Variants in STK3 observed in about 807,000 individuals in gnomAD.
STK3 encodes the protein serine/threonine kinase 3, also known as serine/threonine-protein kinase 3.
Under a neutral mutation model 58.0 loss-of-function variants are expected in STK3, and 41 were observed. The observed-to-expected ratio is 0.71, with a 90% confidence interval of 0.55 to 0.92. The LOEUF (loss-of-function observed/expected upper bound fraction) is 0.92. Among genes scored for constraint, STK3 ranks in the 40% least tolerant of loss-of-function variants. STK3 has a pLI of 0.00. For synonymous variants in STK3, 170 were observed against 191.0 expected, an observed-to-expected ratio of 0.89 and a Z score of 0.91; for missense variants, 479 against 602.7, an observed-to-expected ratio of 0.79 and a Z score of 2.15.
chr8:98,377,751 C>CCAGCCTCTTGGTGG (rs1390755564), intron 2 of STK3, among the ~76,000 whole-genome samples: 1 of 152,114 alleles, frequency 6.6e-6, no homozygotes, highest in Non-Finnish European at 1.5e-5. Context: ...TGGGGCAGTT[C>CCAGCCTCTTGGTGG]CAGCCTCTTG....
intron 10 of STK3, among the ~76,000 whole-genome samples, chr8:98,485,182 A>C (rs1296945722): frequency 6.6e-6 from 1 of 152,128 alleles, no homozygotes; most frequent in African/African-American, 2.4e-5. Flanking sequence ...CAGAGGTTGC[A>C]GTGAGCCGAG....
intron 8 of STK3, 32 bp from the exon 9 acceptor site, chr8:98,548,193 T>C: frequency 7.0e-7 from 1 of 1,423,092 alleles, no homozygotes; most frequent in Non-Finnish European, 9.2e-7. Flanking sequence ...GAGGGAAGAC[T>C]TTTCTATGAC....
chr8:98,650,705 AG>A (rs1820830351), intron 6 of STK3, among the ~76,000 whole-genome samples: 1 of 152,214 alleles, frequency 6.6e-6, no homozygotes, highest in Non-Finnish European at 1.5e-5. Flanking sequence ...CATGGCTCGG[AG>A]GGTCCTACGC....
rs560779265 is a variant in STK3, at chr8:98,515,688, C to G, written c.1317+11054G>C. The stretch of plus-strand genomic sequence containing the variant: ...TGGGTTCAAATTTTTGCTCTACCAC[C>G]TACAAGCTATGAGATTTTGACCACT... On this transcript the variant is annotated intron_variant, in intron 10 of 10. Transcript: ENST00000419617. Among the ~76,000 whole-genome samples, 208 of 152,040 alleles carry G rather than the reference C, an allele frequency of 1.4e-3. 3 individuals are homozygous for G. Among genetic ancestry groups the G allele is most frequent in the Admixed American group, 0.013 (200 of 15,274 alleles).
At chr8:98,908,981 C>A (rs1839028735) in intron 1 of STK3, among the ~76,000 whole-genome samples, 2 of 151,870 alleles carry the variant, frequency 1.3e-5, no homozygotes, top group South Asian at 4.2e-4. Flanking sequence ...GATGGTGAAA[C>A]CCTGTCTCTA....
At chr8:98,706,129 C>T (rs998343809) in intron 6 of STK3, among the ~76,000 whole-genome samples, 4 of 151,402 alleles carry the variant, frequency 2.6e-5, no homozygotes, top group African/African-American at 9.7e-5. Context: ...ACTTCCAACT[C>T]TTTCACTACC....
chr8:98,581,096 C>T (rs1312339332), intron 7 of STK3, among the ~76,000 whole-genome samples: 3 of 152,202 alleles, frequency 2.0e-5, no homozygotes, highest in Non-Finnish European at 4.4e-5. Flanking sequence ...CTGGATCCTA[C>T]GTTTCTCAAC....
intron 10 of STK3, among the ~76,000 whole-genome samples, chr8:98,497,424 TA>T (rs888864021): frequency 5.4e-5 from 8 of 148,954 alleles, no homozygotes; most frequent in Non-Finnish European, 8.9e-5. Flanking sequence ...AAAGCACTAG[TA>T]AAAAAAAAGA....
At chr8:98,412,864 T>C in intron 3 of STK3, 1 of 239,300 alleles carries the variant, frequency 4.2e-6, no homozygotes, top group Non-Finnish European at 8.0e-6. Context: ...GCATATGTAA[T>C]TCTTACCAAA....
intron 4 of STK3, chr8:98,722,761 AC>A: frequency 4.3e-6 from 1 of 232,600 alleles, no homozygotes. Context: ...TATCTGTAAG[AC>A]TTTTCATGAG....
chr8:98,597,872 G>A (rs970379047), intron 6 of STK3: 1 of 983,300 alleles, frequency 1.0e-6, no homozygotes, highest in Non-Finnish European at 1.2e-6. Flanking sequence ...CTGAGTGCCA[G>A]ACAATGAAAT....
At chr8:98,850,523 G>C (rs1268286621) in intron 3 of STK3, among the ~76,000 whole-genome samples, 1 of 152,198 alleles carries the variant, frequency 6.6e-6, no homozygotes, top group Non-Finnish European at 1.5e-5. Context: ...ACCCAGCTTG[G>C]GGGTAGTCAG....
At chr8:98,467,692 A>G (rs1820589871) in intron 10 of STK3, among the ~76,000 whole-genome samples, 1 of 152,218 alleles carries the variant, frequency 6.6e-6, no homozygotes, top group African/African-American at 2.4e-5. Flanking sequence ...ATGCTCCACT[A>G]CATGTTTATT....
chr8:98,531,178 T>C (rs74752863), intron 9 of STK3, among the ~76,000 whole-genome samples: 1 of 152,226 alleles, frequency 6.6e-6, no homozygotes, highest in Admixed American at 6.5e-5. Context: ...TCAACTTACT[T>C]GATCCAGATC....
chr8:98,811,105 C>G (rs933513137), intron 1 of STK3, among the ~76,000 whole-genome samples: 1 of 152,142 alleles, frequency 6.6e-6, no homozygotes, highest in Non-Finnish European at 1.5e-5. Flanking sequence ...ACTAGCAACA[C>G]AAAACAGACT....
intron 8 of STK3, among the ~76,000 whole-genome samples, chr8:98,566,621 T>A (rs1471067814): frequency 1.3e-5 from 2 of 152,158 alleles, no homozygotes; most frequent in Admixed American, 6.5e-5. Flanking sequence ...AATTTTTCAA[T>A]GGTCCAATGC....
At chr8:98,532,941 T>A (rs1358135624) in intron 9 of STK3, among the ~76,000 whole-genome samples, 1 of 152,164 alleles carries the variant, frequency 6.6e-6, no homozygotes, top group Admixed American at 6.5e-5. Context: ...AAAGTGGTAT[T>A]TTTTTGTTTT....
At chr8:98,722,291 G>A (rs1001752117) in intron 4 of STK3, among the ~76,000 whole-genome samples, 4 of 152,110 alleles carry the variant, frequency 2.6e-5, no homozygotes, top group African/African-American at 9.7e-5. Flanking sequence ...GTACCAAAAC[G>A]GAGACAAATC....
intron 1 of STK3, chr8:98,921,685 T>C (rs542874200): frequency 6.6e-6 from 1 of 152,298 alleles, no homozygotes; most frequent in East Asian, 1.9e-4. Flanking sequence ...TCTTTTTCCT[T>C]TCTCTTATTT....
Sources: allele counts gnomAD v4.1 joint callset (sites outside exome capture counted in the v4.1 genomes callset), GRCh38; gene constraint gnomAD v4.1.1; transcripts MANE v1.5; gene names NCBI Gene and HGNC (gene_info 2026-07-23, HGNC 2026-07-21).